The following PPP1R15B variants were observed in gnomAD, a reference collection of about 807,000 sequenced individuals.
PPP1R15B encodes the protein protein phosphatase 1, regulatory (inhibitor) subunit 15B.
PPP1R15B carries 31 observed loss-of-function variants against 53.9 expected under a neutral mutation model. That is an observed-to-expected ratio of 0.58 (90% CI 0.43 to 0.78). The LOEUF (loss-of-function observed/expected upper bound fraction) is 0.78, where lower values mean the gene tolerates loss of function less well. Ranked by LOEUF, PPP1R15B falls within the 30% of genes least tolerant of loss-of-function variation. The pLI, the probability that PPP1R15B is intolerant of heterozygous loss-of-function variation, is 0.00. For missense variants in PPP1R15B, 928 were observed against 849.6 expected, an observed-to-expected ratio of 1.09 and a Z score of -1.15; for synonymous variants, 345 against 329.1, an observed-to-expected ratio of 1.05 and a Z score of -0.52.
Position 204,404,445 on chromosome 1 carries a change from A to G in PPP1R15B, c.*1647T>C, listed in dbSNP as rs1674230309. On this transcript the variant is annotated 3_prime_UTR_variant, in exon 2 of 2. Transcript: ENST00000367188. Reference sequence around the variant, plus strand: ...GGTTGCAGTGAGCCGAGATCGCGCCACTGCACTCCAAGCTGGGGGACCGAA... The same window carrying G: ...GGTTGCAGTGAGCCGAGATCGCGCCGCTGCACTCCAAGCTGGGGGACCGAA... The G allele has an allele frequency of 1.3e-6, 1 of 771,642 alleles. No homozygotes were observed. The highest frequency in any genetic ancestry group is 1.9e-5 in the African/African-American group (1 of 52,800). The allele number at this position is 771,642 out of a possible 1,614,324, so 47.8% of individuals were successfully genotyped here.
At position 204,411,078 on chromosome 1, in the gene PPP1R15B, G is replaced by T. The variant is rs751484652; in HGVS notation, c.334C>A (p.Arg112=). The T allele has an allele frequency of 6.2e-7, 1 of 1,614,190 alleles. No homozygotes were observed. Among genetic ancestry groups the T allele is most frequent in the East Asian group, 2.2e-5 (1 of 44,880 alleles). ...GCTGTGGGGGCGGCTGGTTTCTCCC[G>T]TCCCTTCAGGGCTCTCAGGGCGCTG... The part of the protein sequence containing the change: ...VYSALRALKG[R]EKPAAPTAQK... Residue 112 remains arginine, a synonymous_variant, in exon 1 of 2, where the codon CGG becomes AGG. Transcript: ENST00000367188.
At position 204,409,785 on chromosome 1, in the gene PPP1R15B, A is replaced by T; in HGVS notation, c.1627T>A (p.Trp543Arg). The part of the protein sequence containing the change: ...PEHSSGEEDD[W>R]ESSADEAESL... ...TCTGCTTCATCTGCACTAGATTCCC[A>T]GTCATCTTCCTCCCCAGAACTATGC... Residue 543 changes from tryptophan to arginine, a missense_variant, in exon 1 of 2, where the codon TGG becomes AGG. By Grantham distance (101) the Trp-to-Arg change is moderately radical. Transcript: ENST00000367188. 1 of 1,614,188 alleles carries T rather than the reference A, an allele frequency of 6.2e-7. No homozygotes were observed. Among genetic ancestry groups the T allele is most frequent in the Non-Finnish European group, 8.5e-7 (1 of 1,180,028 alleles).
At position 204,410,821 on chromosome 1, in the gene PPP1R15B, G is replaced by C. The variant is rs1257943433; in HGVS notation, c.591C>G (p.Asn197Lys). Residue 197 changes from asparagine (N) to lysine (K), a missense_variant, in exon 1 of 2, where the codon AAC becomes AAG. Physicochemically the swap from Asn to Lys is moderately conservative, Grantham distance 94. Coordinates refer to ENST00000367188, the MANE Select transcript of PPP1R15B (RefSeq NM_032833.5). ...CAGAGGGCGAAGAGCCAAGTTCCCG[G>C]TTAGAGTACAGACGGGATTGAAGGC... ...PSSLQSRLYS[N>K]RELGSSPSGP... 3.1e-6 allele frequency: 5 copies of C among 1,614,082 alleles called. No individual in the cohort carries two copies. The highest frequency in any genetic ancestry group is 4.2e-6 in the Non-Finnish European group (5 of 1,180,062).
intron 1 of PPP1R15B, among the ~76,000 whole-genome samples, chr1:204,406,986 C>G (rs1457900612): frequency 1.3e-5 from 2 of 151,838 alleles, no homozygotes; most frequent in Non-Finnish European, 2.9e-5. Context: ...GTTATTAACC[C>G]CTGCTATTTT....
chr1:204,404,800 A>G lies in PPP1R15B; in HGVS notation c.*1292T>C, dbSNP rs975655066. ...ATGAAAGCAGACCACGGAAGGGTTAACAACCCCTCAACCTAACTTATGTGT... is the reference window on the plus strand; with the variant it reads ...ATGAAAGCAGACCACGGAAGGGTTAGCAACCCCTCAACCTAACTTATGTGT... On this transcript the variant is annotated 3_prime_UTR_variant, in exon 2 of 2. Transcript: ENST00000367188. 1.8e-5 allele frequency: 18 copies of G among 985,752 alleles called. No homozygotes were observed. The African/African-American group carries it at 3.0e-4, about 16-fold the overall frequency. 61.1% of individuals were successfully genotyped at this position (985,752 alleles called of 1,614,324 possible).
At chr1:204,407,000 A>T (rs1409004681) in intron 1 of PPP1R15B, among the ~76,000 whole-genome samples, 1 of 151,926 alleles carries the variant, frequency 6.6e-6, no homozygotes, top group Non-Finnish European at 1.5e-5. Context: ...CTATTTTTTA[A>T]TCCTTAGGGA....
chr1:204,411,085 C>T lies in PPP1R15B; in HGVS notation c.327G>A (p.Leu109=). Reference sequence around the variant, plus strand: ...GGGCGGCTGGTTTCTCCCGTCCCTTCAGGGCTCTCAGGGCGCTGTAGACTC... The same window carrying T: ...GGGCGGCTGGTTTCTCCCGTCCCTTTAGGGCTCTCAGGGCGCTGTAGACTC... ...FAGVYSALRA[L]KGREKPAAPT... is the part of the protein sequence containing the mutation. The change falls in exon 1 of 2, where the codon CTG becomes CTA. Residue 109 remains leucine (L), a synonymous_variant. Coordinates refer to ENST00000367188, the MANE Select transcript of PPP1R15B (RefSeq NM_032833.5). 1 of 1,614,154 alleles carries T rather than the reference C, an allele frequency of 6.2e-7. No homozygotes were observed. The highest frequency in any genetic ancestry group is 8.5e-7 in the Non-Finnish European group (1 of 1,180,034).
downstream of PPP1R15B, among the ~76,000 whole-genome samples, chr1:204,403,023 G>A (rs538517199): frequency 6.6e-6 from 1 of 152,108 alleles, no homozygotes; most frequent in Non-Finnish European, 1.5e-5. Context: ...AGTGAGCTGA[G>A]ATCGTGCCAC....
chr1:204,410,948 T>G lies in PPP1R15B; in HGVS notation c.464A>C (p.Asp155Ala). 1.2e-6 allele frequency: 2 copies of G among 1,614,052 alleles called. No individual in the cohort carries two copies. Among genetic ancestry groups the G allele is most frequent in the Non-Finnish European group, 1.7e-6 (2 of 1,180,000 alleles). The change falls in exon 1 of 2, where the codon GAC becomes GCC. Residue 155 changes from aspartate (D) to alanine (A), a missense_variant. Coordinates refer to ENST00000367188, the MANE Select transcript of PPP1R15B (RefSeq NM_032833.5). ...EGIHWQYSPP[D>A]LKLELKAKGS... ...CTTGGCCTTAAGCTCCAATTTTAGGTCTGGGGGCGAGTATTGCCAGTGGAT... is the reference window on the plus strand; with the variant it reads ...CTTGGCCTTAAGCTCCAATTTTAGGGCTGGGGGCGAGTATTGCCAGTGGAT...
At chr1:204,401,157 G>T (rs1674173994), downstream of PPP1R15B, among the ~76,000 whole-genome samples, 1 of 152,218 alleles carries the variant, frequency 6.6e-6, no homozygotes, top group African/African-American at 2.4e-5. Flanking sequence ...GAATGAGTTA[G>T]TTCTCTTTAA....
rs1301098540 is a variant in PPP1R15B at position 204,404,467 on chromosome 1, C to T, written c.*1625G>A. ...GCCACTGCACTCCAAGCTGGGGGACCGAACGAGACTCTGTCTCAAAAAAAA... is the reference window on the plus strand; with the variant it reads ...GCCACTGCACTCCAAGCTGGGGGACTGAACGAGACTCTGTCTCAAAAAAAA... On this transcript the variant is annotated 3_prime_UTR_variant, in exon 2 of 2. Transcript: ENST00000367188. 4.3e-6 allele frequency: 4 copies of T among 919,620 alleles called. No individual in the cohort carries two copies. The highest frequency in any genetic ancestry group is 3.9e-6 in the Non-Finnish European group (3 of 771,234). 57.0% of individuals were successfully genotyped at this position (919,620 alleles called of 1,614,324 possible).
chr1:204,397,450 C>G (rs1674112866), downstream of PPP1R15B, among the ~76,000 whole-genome samples: 1 of 152,082 alleles, frequency 6.6e-6, no homozygotes, highest in African/African-American at 2.4e-5. Context: ...TGCTTGAGCC[C>G]AGGACGCGGA....
At position 204,410,428 on chromosome 1, in the gene PPP1R15B, T is replaced by G. The variant is rs750600395; in HGVS notation, c.984A>C (p.Glu328Asp). Residue 328 changes from glutamate (E) to aspartate (D), a missense_variant, in exon 1 of 2, where the codon GAA (glutamate) becomes GAC (aspartate). Glu to Asp is a conservative substitution (Grantham distance 45, BLOSUM62 2). Transcript: ENST00000367188. ...QDNGYHSLEE[E>D]HSLLRMDPKH... ...TTGGATCCATCCGGAGAAGGCTGTG[T>G]TCCTCCTCCAGGCTGTGGTAGCCAT... The G allele has an allele frequency of 6.2e-7, 1 of 1,614,120 alleles. No individual in the cohort carries two copies. Among genetic ancestry groups the G allele is most frequent in the Non-Finnish European group, 8.5e-7 (1 of 1,180,044 alleles).
At position 204,405,941 on chromosome 1, in the gene PPP1R15B, G is replaced by A. The variant is rs148060364; in HGVS notation, c.*151C>T. 551 of 1,426,972 alleles carry A rather than the reference G, an allele frequency of 3.9e-4. 1 individual carries two copies. The African/African-American group carries it at 7.1e-3, about 18-fold the overall frequency. The allele number at this position is 1,426,972 out of a possible 1,614,324, so 88.4% of individuals were successfully genotyped here. On this transcript the variant is annotated 3_prime_UTR_variant, in exon 2 of 2. Coordinates refer to ENST00000367188, the MANE Select transcript of PPP1R15B (RefSeq NM_032833.5). ...CTTCAAACCTGAATGTTTCTGAGTG[G>A]GATATGTTGCAAAAAAAAAAATTAA...
rs1244948036 is a variant in PPP1R15B at position 204,404,199 on chromosome 1, C to T, written c.*1893G>A. ...CCTGTAAATGTGCTCCCTATGATTA[C>T]CTAAAGTGGAGGTGCACAAAACACA... On this transcript the variant is annotated 3_prime_UTR_variant, in exon 2 of 2. Coordinates refer to ENST00000367188, the MANE Select transcript of PPP1R15B (RefSeq NM_032833.5). 4 of 985,052 alleles carry T rather than the reference C, an allele frequency of 4.1e-6. No homozygotes were observed. Among genetic ancestry groups the T allele is most frequent in the Non-Finnish European group, 4.8e-6 (4 of 829,896 alleles). 61.0% of individuals were successfully genotyped at this position (985,052 alleles called of 1,614,324 possible).
chr1:204,410,012 T>A lies in PPP1R15B; in HGVS notation c.1400A>T (p.Asp467Val). The A allele has an allele frequency of 6.2e-7, 1 of 1,614,196 alleles. No homozygotes were observed. Among genetic ancestry groups the A allele is most frequent in the Non-Finnish European group, 8.5e-7 (1 of 1,180,016 alleles). The change falls in exon 1 of 2, where the codon GAC (aspartate) becomes GTC (valine). Residue 467 changes from aspartate (D) to valine (V), a missense_variant. Coordinates refer to ENST00000367188, the MANE Select transcript of PPP1R15B (RefSeq NM_032833.5). ...AAGCCCTTCAGGGTCTTGTTCAAGGTCTGAGTCTGACAGTGAGCTATCACT... is the reference window on the plus strand; with the variant it reads ...AAGCCCTTCAGGGTCTTGTTCAAGGACTGAGTCTGACAGTGAGCTATCACT... ...FDSDSSLSDS[D>V]LEQDPEGLHL...
At chr1:204,399,942 G>A (rs1042176700), downstream of PPP1R15B, among the ~76,000 whole-genome samples, 4 of 151,984 alleles carry the variant, frequency 2.6e-5, no homozygotes, top group African/African-American at 4.8e-5. Flanking sequence ...TGCCTTCAGA[G>A]CCCATTAAGA....
downstream of PPP1R15B, among the ~76,000 whole-genome samples, chr1:204,396,353 C>CAAAAAAAAA (rs1448025124): frequency 3.1e-4 from 19 of 60,356 alleles, no homozygotes; most frequent in African/African-American, 4.5e-4. Flanking sequence ...ACTAAAAATA[C>CAAAAAAAAA]AAAAAAAAAA....
At chr1:204,407,365 G>A (rs1674283567) in intron 1 of PPP1R15B, among the ~76,000 whole-genome samples, 2 of 151,992 alleles carry the variant, frequency 1.3e-5, no homozygotes, top group Non-Finnish European at 2.9e-5. Context: ...ATATGAAATT[G>A]TGATTCTAAT....
Sources: gnomAD v4.1 joint callset for allele counts (sites outside exome capture counted in the v4.1 genomes callset) on GRCh38, gnomAD v4.1.1 for gene constraint, MANE v1.5 for transcripts, NCBI Gene and HGNC (gene_info 2026-07-23, HGNC 2026-07-21) for gene names.